Variants in CALD1 observed in about 807,000 individuals in gnomAD.
CALD1 encodes caldesmon 1, also known as caldesmon.
CALD1 carries 33 observed loss-of-function variants against 99.9 expected under a neutral mutation model. That is an observed-to-expected ratio of 0.33 (90% CI 0.25 to 0.44). The LOEUF (loss-of-function observed/expected upper bound fraction) is 0.44. Ranked by LOEUF, CALD1 falls within the 20% of genes least tolerant of loss-of-function variation. CALD1 has a pLI of 1.00. For missense variants in CALD1, 861 were observed against 962.1 expected, an observed-to-expected ratio of 0.89 and a Z score of 1.39; for synonymous variants, 310 against 325.0, an observed-to-expected ratio of 0.95 and a Z score of 0.50.
intron 2 of CALD1, among the ~76,000 whole-genome samples, chr7:134,846,405 G>A (rs989319269): frequency 6.6e-6 from 1 of 152,162 alleles, no homozygotes; most frequent in African/African-American, 2.4e-5. Context: ...GGAGGGGCCA[G>A]GCCATGGCCC....
At chr7:134,955,892 A>T (rs13241018) in intron 9 of CALD1, among the ~76,000 whole-genome samples, 1 of 152,158 alleles carries the variant, frequency 6.6e-6, no homozygotes, top group African/African-American at 2.4e-5. Flanking sequence ...AAAATAGGAT[A>T]GATGGATGGA....
intron 1 of CALD1, among the ~76,000 whole-genome samples, chr7:134,756,023 A>C (rs6962333): frequency 0.68 from 103,834 of 151,826 alleles, 36,228 homozygotes; most frequent in East Asian, 0.99. Flanking sequence ...ACATCCCTTA[A>C]CTAAAATACT....
At chr7:134,731,972 A>G in the CALD1 span, among the ~76,000 whole-genome samples, 4 of 152,318 alleles carry the variant, frequency 2.6e-5, no homozygotes, top group East Asian at 7.7e-4. Context: ...GCACCAGCTC[A>G]AAAGATTGAT....
chr7:134,920,613 G>A (rs778383582), intron 3 of CALD1: 21 of 1,288,920 alleles, frequency 1.6e-5, no homozygotes, highest in East Asian at 5.5e-5. Flanking sequence ...AATCTCCATC[G>A]ACCAACACTG....
At chr7:134,835,231 C>A (rs1425189307) in intron 1 of CALD1, among the ~76,000 whole-genome samples, 1 of 152,132 alleles carries the variant, frequency 6.6e-6, no homozygotes, top group South Asian at 2.1e-4. Flanking sequence ...TAGATCCTGA[C>A]CTGAGCCCTG....
chr7:134,891,260 T>C, intron 3 of CALD1: 1 of 452,520 alleles, frequency 2.2e-6, no homozygotes. Context: ...CTGGAGATCC[T>C]GGCCCTGACT....
intron 1 of CALD1, among the ~76,000 whole-genome samples, chr7:134,799,048 T>G (rs974625395): frequency 6.6e-6 from 1 of 152,234 alleles, no homozygotes. Flanking sequence ...GTTCAAATAC[T>G]AGTTACAAAT....
chr7:134,763,006 C>G (rs1024874093), intron 1 of CALD1, among the ~76,000 whole-genome samples: 1 of 152,180 alleles, frequency 6.6e-6, no homozygotes, highest in African/African-American at 2.4e-5. Context: ...TCAATTAGAT[C>G]TAGATCTAGA....
intron 1 of CALD1, among the ~76,000 whole-genome samples, 172 bp from the exon 2 acceptor site, chr7:134,843,712 A>G (rs1402895492): frequency 6.6e-6 from 1 of 152,170 alleles, no homozygotes; most frequent in African/African-American, 2.4e-5. Context: ...CGATAACTGT[A>G]TTTTCCTTAA....
intron 3 of CALD1, among the ~76,000 whole-genome samples, chr7:134,925,598 G>T (rs1438323246): frequency 6.6e-6 from 1 of 152,164 alleles, no homozygotes; most frequent in East Asian, 1.9e-4. Context: ...GAAGAGAGAA[G>T]AGTGAGCGAA....
At chr7:134,749,557 G>A (rs1398149202) in intron 1 of CALD1, among the ~76,000 whole-genome samples, 1 of 152,152 alleles carries the variant, frequency 6.6e-6, no homozygotes, top group African/African-American at 2.4e-5. Flanking sequence ...AAGTTGCAGT[G>A]AGCTAAGATC....
chr7:134,930,745 A>C (rs1805458956), intron 4 of CALD1, among the ~76,000 whole-genome samples: 1 of 152,198 alleles, frequency 6.6e-6, no homozygotes, highest in Non-Finnish European at 1.5e-5. Context: ...TTCTCCAAAA[A>C]ATGCTGCTAA....
intron 1 of CALD1, among the ~76,000 whole-genome samples, chr7:134,790,693 T>G (rs1797493443): frequency 6.6e-6 from 1 of 152,104 alleles, no homozygotes; most frequent in South Asian, 2.1e-4. Context: ...TAAATTAAAT[T>G]AAAAAAAGAA....
chr7:134,929,612 G>A (rs540958435), intron 4 of CALD1, among the ~76,000 whole-genome samples: 9 of 4,694 alleles, frequency 1.9e-3, no homozygotes, highest in African/African-American at 6.3e-3. Context: ...CATGGTGTGT[G>A]TATATATACG....
At chr7:134,756,958 T>TA (rs1287605130) in intron 1 of CALD1, among the ~76,000 whole-genome samples, 3 of 152,314 alleles carry the variant, frequency 2.0e-5, no homozygotes, top group Non-Finnish European at 4.4e-5. Context: ...AACCGCCACT[T>TA]ACGCTCATTT....
chr7:134,908,815 CTA>C (rs758958399), intron 3 of CALD1, among the ~76,000 whole-genome samples: 26 of 148,974 alleles, frequency 1.7e-4, no homozygotes, highest in Non-Finnish European at 1.5e-4. Flanking sequence ...CAAGAAAATA[CTA>C]TATATATATA....
chr7:134,960,371 C>A (rs1808169181), intron 12 of CALD1, 162 bp from the exon 13 acceptor site: 4 of 649,388 alleles, frequency 6.2e-6, no homozygotes, highest in South Asian at 2.0e-5. Flanking sequence ...GGGTGAGTTA[C>A]CAGGGAAAGA....
At chr7:134,725,105 AG>A in the CALD1 span, among the ~76,000 whole-genome samples, 57 of 152,320 alleles carry the variant, frequency 3.7e-4, no homozygotes, top group African/African-American at 1.3e-3. Context: ...TGCTCCTGAC[AG>A]CCAGAAAGAA....
the CALD1 span, among the ~76,000 whole-genome samples, chr7:134,717,009 TATCTATCTATC>T: frequency 3.9e-5 from 6 of 152,324 alleles, no homozygotes; most frequent in South Asian, 6.2e-4. Context: ...AGACTCTGTC[TATCTATCTATC>T]ATCTATCTAT....
Sources: gnomAD v4.1 joint callset for allele counts (sites outside exome capture counted in the v4.1 genomes callset) on GRCh38, gnomAD v4.1.1 for gene constraint, MANE v1.5 for transcripts, NCBI Gene and HGNC (gene_info 2026-07-23, HGNC 2026-07-21) for gene names.